ANKRD24: variants seen among roughly 807,000 people sequenced by gnomAD.
ANKRD24 encodes the protein ankyrin repeat domain 24, also known as ankyrin repeat domain-containing protein 24.
Under a neutral mutation model 127.8 loss-of-function variants are expected in ANKRD24, and 109 were observed. That is an observed-to-expected ratio of 0.85 (90% CI 0.73 to 1.00). The LOEUF (loss-of-function observed/expected upper bound fraction) is 1.00, where lower values mean the gene tolerates loss of function less well. Ranked by LOEUF, ANKRD24 falls within the 50% of genes least tolerant of loss-of-function variation. The pLI, the probability that ANKRD24 is intolerant of heterozygous loss-of-function variation, is 0.00. For synonymous variants in ANKRD24, 743 were observed against 671.1 expected, an observed-to-expected ratio of 1.11 and a Z score of -1.66; for missense variants, 1,648 against 1,570.2, an observed-to-expected ratio of 1.05 and a Z score of -0.84.
Position 4,217,013 on chromosome 19 carries a change from T to C in ANKRD24, c.1853T>C (p.Met618Thr). Residue 618 changes from methionine to threonine, a missense_variant, in exon 18 of 22, where the codon ATG becomes ACG. By Grantham distance (81) the Met-to-Thr change is moderately conservative (BLOSUM62 -1). Coordinates refer to ENST00000318934, the MANE Select transcript of ANKRD24 (RefSeq NM_001393985.1). ...GAGACCACAGAAGAAGAAGCAAACA[T>C]GGAAACTAAGCCCACAGGAGCTCAG... Reference protein sequence around the residue: ...EMETTEEEANMETKPTGAQAT... With the variant: ...EMETTEEEANTETKPTGAQAT... The C allele has an allele frequency of 1.2e-6, 2 of 1,613,182 alleles. No individual in the cohort carries two copies. Among genetic ancestry groups the C allele is most frequent in the Non-Finnish European group, 1.7e-6 (2 of 1,179,760 alleles).
chr19:4,219,789 G>A (rs1344732761), intron 19 of ANKRD24, 31 bp downstream of exon 19: 6 of 1,564,260 alleles, frequency 3.8e-6, no homozygotes, highest in East Asian at 2.3e-5. Flanking sequence ...ACTCAGTCAG[G>A]GAGGCATCCA....
At chr19:4,194,307 C>T (rs781685875) in intron 2 of ANKRD24, among the ~76,000 whole-genome samples, 9 of 152,142 alleles carry the variant, frequency 5.9e-5, no homozygotes, top group African/African-American at 9.7e-5. Flanking sequence ...CGTGCACCAC[C>T]GTGCCCAGCT....
In ANKRD24 at chr19:4,218,020, CTGGA is replaced by C. The variant is rs1970221792; in HGVS notation, c.2861_2864del (p.Leu954ArgfsTer55). 2 of 1,553,918 alleles carry C rather than the reference CTGGA, an allele frequency of 1.3e-6. No homozygotes were observed. Among genetic ancestry groups the C allele is most frequent in the African/African-American group, 2.8e-5 (2 of 71,710 alleles). The stretch of plus-strand genomic sequence containing the variant: ...GGAGGCCGCCCGGCTGCGCGCGGAG[CTGGA>C]GCGGGAGCGTGTGTGCAGCGTGGCG... On this transcript the variant is annotated frameshift_variant, in exon 18 of 22. Coordinates refer to ENST00000318934, the MANE Select transcript of ANKRD24 (RefSeq NM_001393985.1). LOFTEE classifies it high-confidence loss of function.
At chr19:4,186,573 CCT>C in intron 2 of ANKRD24, 112 bp downstream of exon 2, 1 of 1,243,168 alleles carries the variant, frequency 8.0e-7, no homozygotes. Context: ...CTTCTCCTTT[CCT>C]CTCTGCTGCC....
chr19:4,199,950 C>A lies in ANKRD24; in HGVS notation c.199C>A (p.Leu67Ile). ...ENNDAPRVAA[L>I]IARKGLVPTK... The stretch of plus-strand genomic sequence containing the variant: ...CAACGATGCACCTCGGGTGGCCGCC[C>A]TCATCGCCCGCAAGGGGCTGGTGCC... The change falls in exon 4 of 22, where the codon CTC (leucine) becomes ATC (isoleucine). Residue 67 changes from leucine (L) to isoleucine (I), a missense_variant. Physicochemically the swap from Leu to Ile is conservative, Grantham distance 5. Coordinates refer to ENST00000318934, the MANE Select transcript of ANKRD24 (RefSeq NM_001393985.1). The surrounding 1 kb of genome is among the most constrained non-coding windows in gnomAD (Gnocchi z 5.2). The A allele has an allele frequency of 6.4e-7, 1 of 1,565,012 alleles. No individual in the cohort carries two copies. Among genetic ancestry groups the A allele is most frequent in the South Asian group, 1.2e-5 (1 of 84,920 alleles).
chr19:4,193,856 G>GAAGA lies in ANKRD24; in HGVS notation c.37-5824_37-5823insAAAG, dbSNP rs1968538484. 2.2e-5 allele frequency among the ~76,000 whole-genome samples: 3 copies of GAAGA among 137,880 alleles called. 1 individual carries two copies. In the South Asian group the frequency reaches 7.7e-4, roughly 35 times the overall value. The allele number at this position is 137,880 out of a possible 152,430, so 90.5% of individuals were successfully genotyped here. A position where few individuals can be genotyped will look rare whatever the true frequency, so the allele number is the denominator to read the frequency against. On this transcript the variant is annotated intron_variant, in intron 2 of 21. Transcript: ENST00000318934. ...CGTCGGGAGGGAGGGAGGAAGGAAG[G>GAAGA]AAGGAAGGAAGGAAGGAAGGAAGGA...
intron 13 of ANKRD24, among the ~76,000 whole-genome samples, chr19:4,211,672 A>G (rs1451957834): frequency 1.3e-5 from 2 of 152,032 alleles, no homozygotes; most frequent in African/African-American, 2.4e-5. Flanking sequence ...AACAACAAAC[A>G]AAAACAATCT....
At chr19:4,184,100 G>T (rs1045446775) in intron 1 of ANKRD24, among the ~76,000 whole-genome samples, 2 of 152,164 alleles carry the variant, frequency 1.3e-5, no homozygotes, top group Non-Finnish European at 2.9e-5. Context: ...GTGTCTTCCC[G>T]CCAGAGCCAG....
intron 20 of ANKRD24, among the ~76,000 whole-genome samples, chr19:4,223,157 G>A (rs1970533026): frequency 6.6e-6 from 1 of 151,812 alleles, no homozygotes; most frequent in Non-Finnish European, 1.5e-5. Context: ...TGTTGGCAAG[G>A]CTGGTCTTGA....
intron 2 of ANKRD24, among the ~76,000 whole-genome samples, chr19:4,187,274 A>G (rs1968117001): frequency 1.3e-5 from 2 of 152,148 alleles, no homozygotes; most frequent in South Asian, 4.2e-4. Context: ...TTAGCTGGGC[A>G]CGGTGGCGGG....
rs1262418086 is a variant in ANKRD24, at chr19:4,216,280, C to T, written c.1271-4C>T. 10 of 1,552,206 alleles carry T rather than the reference C, an allele frequency of 6.4e-6. No homozygotes were observed. The Admixed American group carries it at 2.0e-4, about 30-fold the overall frequency. On this transcript the variant is annotated splice_polypyrimidine_tract_variant and splice_region_variant and intron_variant, in intron 16 of 21. Coordinates refer to ENST00000318934, the MANE Select transcript of ANKRD24 (RefSeq NM_001393985.1). ...CCAGGGCCTGACTCTGCGTCCCCCT[C>T]CAGGGGCCGAGGTGCTGCTGTCCAG...
In ANKRD24 at chr19:4,187,194, C is replaced by T. The variant is rs572864421; in HGVS notation, c.36+733C>T. Among the ~76,000 whole-genome samples, 3 of 151,936 alleles carry T rather than the reference C, an allele frequency of 2.0e-5. No individual in the cohort carries two copies. In the South Asian group the frequency reaches 6.2e-4, roughly 32 times the overall value. ...TTGGGAGGCCAAGGCAGGCAGATCACGTGAGGTCAGGAGTTCAAGACGAGC... is the reference window on the plus strand; with the variant it reads ...TTGGGAGGCCAAGGCAGGCAGATCATGTGAGGTCAGGAGTTCAAGACGAGC... On this transcript the variant is annotated intron_variant, in intron 2 of 21. Transcript: ENST00000318934.
rs561346285 is a variant in ANKRD24 at position 4,192,535 on chromosome 19, C to T, written c.36+6074C>T. ...CAGGCCTCGTATTTTCATTTTTCAC[C>T]GAGCCCTGCAAAACCTATAGCTGGT... On this transcript the variant is annotated intron_variant, in intron 2 of 21. Coordinates refer to ENST00000318934, the MANE Select transcript of ANKRD24 (RefSeq NM_001393985.1). 4.6e-5 allele frequency among the ~76,000 whole-genome samples: 7 copies of T among 151,698 alleles called. No homozygotes were observed. In the East Asian group the frequency reaches 7.8e-4, roughly 17 times the overall value.
intron 1 of ANKRD24, chr19:4,183,301 A>G (rs577043125): frequency 4.5e-5 from 44 of 986,212 alleles, no homozygotes; most frequent in South Asian, 1.4e-4. Context: ...GTATCATCCA[A>G]CTGGAGGTTC....
intron 2 of ANKRD24, among the ~76,000 whole-genome samples, chr19:4,193,129 C>T (rs936506383): frequency 3.7e-4 from 56 of 150,908 alleles, no homozygotes; most frequent in African/African-American, 1.3e-3. Flanking sequence ...AGCAAAACCC[C>T]GTATCTACTA....
At chr19:4,207,144 A>G in intron 7 of ANKRD24, 98 bp from the exon 8 acceptor site, 1 of 997,302 alleles carries the variant, frequency 1.0e-6, no homozygotes, top group Non-Finnish European at 1.5e-6. Context: ...GGTTGGTCTC[A>G]AACTCCAGAA....
rs1970226555 is a variant in ANKRD24 at position 4,218,074 on chromosome 19, G to C, written c.2914G>C (p.Gly972Arg). 1.3e-6 allele frequency: 2 copies of C among 1,555,726 alleles called. No individual in the cohort carries two copies. Among genetic ancestry groups the C allele is most frequent in the Non-Finnish European group, 1.7e-6 (2 of 1,154,134 alleles). The change falls in exon 18 of 22, where the codon GGC becomes CGC. Residue 972 changes from glycine (G) to arginine (R), a missense_variant. Gly to Arg is a moderately radical substitution (Grantham distance 125). Transcript: ENST00000318934. ...VALSEHERIV[G>R]TLQANVAQLE... ...GCTCTCGGAGCACGAACGCATCGTG[G>C]GCACCCTGCAGGCCAACGTGGCCCA...
intron 20 of ANKRD24, among the ~76,000 whole-genome samples, chr19:4,223,512 A>AT (rs1970578732): frequency 6.9e-6 from 1 of 145,670 alleles, no homozygotes; most frequent in South Asian, 2.1e-4. Flanking sequence ...GGTTCAAGTG[A>AT]TTCTCCTGCC....
chr19:4,215,970 C>G lies in ANKRD24; in HGVS notation c.1198-8C>G, dbSNP rs370872570. 1.0e-5 allele frequency: 16 copies of G among 1,578,450 alleles called. No homozygotes were observed. The highest frequency in any genetic ancestry group is 1.3e-5 in the Non-Finnish European group (15 of 1,163,290). On this transcript the variant is annotated splice_polypyrimidine_tract_variant and splice_region_variant and intron_variant, in intron 15 of 21. Transcript: ENST00000318934. ...AACCCCGAGCTGGACTCTGCTCCCTCCCCCCAGAACGAGCGGGAGAATACT... is the reference window on the plus strand; with the variant it reads ...AACCCCGAGCTGGACTCTGCTCCCTGCCCCCAGAACGAGCGGGAGAATACT...
Sources: gnomAD v4.1 joint callset for allele counts (sites outside exome capture counted in the v4.1 genomes callset) on GRCh38, gnomAD v4.1.1 for gene constraint, Gnocchi (gnomAD v3.1) non-coding constraint, MANE v1.5 for transcripts, NCBI Gene and HGNC (gene_info 2026-07-23, HGNC 2026-07-21) for gene names.